The following TFDP2 variants were observed in gnomAD, a reference collection of about 807,000 sequenced individuals.
TFDP2 encodes transcription factor Dp-2.
TFDP2 carries 17 observed loss-of-function variants against 59.3 expected under a neutral mutation model. The observed-to-expected ratio is 0.29, with a 90% CI of 0.20 to 0.43. The LOEUF (loss-of-function observed/expected upper bound fraction) is 0.43. TFDP2 is among the 20% of genes least tolerant of loss of function. The pLI is 1.00. For missense variants in TFDP2, 391 were observed against 528.8 expected (o/e 0.74, Z 2.56); for synonymous variants, 180 against 194.7 (o/e 0.92, Z 0.63).
At chr3:142,047,331 G>A (rs1405078087) in intron 3 of TFDP2, among the ~76,000 whole-genome samples, 1 of 152,122 alleles carries the variant, frequency 6.6e-6, no homozygotes, top group Non-Finnish European at 1.5e-5. Flanking sequence ...ATTGCCATAA[G>A]TAGCCATAAA....
At chr3:142,042,450 C>T (rs1343916964) in intron 3 of TFDP2, among the ~76,000 whole-genome samples, 1 of 151,836 alleles carries the variant, frequency 6.6e-6, no homozygotes, top group African/African-American at 2.4e-5. Flanking sequence ...TGCCACCACG[C>T]CCGGCTAATT....
intron 1 of TFDP2, among the ~76,000 whole-genome samples, chr3:142,125,011 C>T (rs116073272): frequency 1.8e-3 from 274 of 151,938 alleles, no homozygotes; most frequent in African/African-American, 6.4e-3. Context: ...GTGTGGACAA[C>T]ATAAGGTGAT....
chr3:142,007,104 C>T (rs1357187418), intron 3 of TFDP2, among the ~76,000 whole-genome samples: 2 of 152,178 alleles, frequency 1.3e-5, no homozygotes, highest in Non-Finnish European at 2.9e-5. Flanking sequence ...CTGCTCTGCA[C>T]TTTCTGCCTC....
intron 2 of TFDP2, among the ~76,000 whole-genome samples, chr3:142,097,961 T>C (rs2061213368): frequency 6.6e-6 from 1 of 152,032 alleles, no homozygotes; most frequent in Admixed American, 6.6e-5. Context: ...CCCAGCTAAT[T>C]TTTGTATTTT....
chr3:141,966,916 T>TAA (rs10668338), intron 9 of TFDP2, among the ~76,000 whole-genome samples: 1,500 of 120,694 alleles, frequency 0.012, 48 homozygotes, highest in African/African-American at 0.04. Flanking sequence ...GATTACTTAT[T>TAA]AAAAAAAAAA....
chr3:141,979,625 A>G (rs967240782), intron 6 of TFDP2, among the ~76,000 whole-genome samples: 5 of 152,030 alleles, frequency 3.3e-5, no homozygotes, highest in East Asian at 1.9e-4. Context: ...GTTTCGCTCT[A>G]TCCCCTAGGC....
intron 3 of TFDP2, among the ~76,000 whole-genome samples, chr3:142,035,991 T>A (rs1946680012): frequency 6.6e-6 from 1 of 152,218 alleles, no homozygotes. Flanking sequence ...ACATACTTGG[T>A]GACTATCAGT....
intron 11 of TFDP2, among the ~76,000 whole-genome samples, chr3:141,956,335 T>C (rs1287960398): frequency 2.0e-5 from 3 of 152,138 alleles, no homozygotes; most frequent in Non-Finnish European, 4.4e-5. Flanking sequence ...GTGGATCACC[T>C]GAGGTCAGGA....
At chr3:142,005,417 T>C in intron 4 of TFDP2, 24 bp downstream of exon 4, 1 of 1,522,752 alleles carries the variant, frequency 6.6e-7, no homozygotes, top group Non-Finnish European at 9.0e-7. Context: ...AAGTTTCAAT[T>C]CTAAGATTTG....
chr3:142,096,533 T>G (rs919377273), intron 2 of TFDP2, among the ~76,000 whole-genome samples: 1 of 152,178 alleles, frequency 6.6e-6, no homozygotes, highest in East Asian at 1.9e-4. Flanking sequence ...ATAAATTGTA[T>G]TGTCTGTATT....
chr3:142,076,754 T>C (rs1320642735), intron 3 of TFDP2, among the ~76,000 whole-genome samples: 1 of 152,198 alleles, frequency 6.6e-6, no homozygotes, highest in Non-Finnish European at 1.5e-5. Flanking sequence ...AAAATGTTTC[T>C]CAAACTTGAA....
intron 1 of TFDP2, among the ~76,000 whole-genome samples, chr3:142,107,779 A>G (rs2061524023): frequency 6.6e-6 from 1 of 152,164 alleles, no homozygotes; most frequent in Non-Finnish European, 1.5e-5. Flanking sequence ...CACCAGCAAA[A>G]GTGTTCTTAA....
At chr3:141,970,044 A>G (rs1482350235) in intron 9 of TFDP2, 29 bp downstream of exon 9, 3 of 1,599,536 alleles carry the variant, frequency 1.9e-6, no homozygotes, top group Non-Finnish European at 1.7e-6. Context: ...GAAACAGGGA[A>G]GGTAATGAAA....
intron 3 of TFDP2, among the ~76,000 whole-genome samples, chr3:142,048,369 T>C (rs1292470597): frequency 2.0e-5 from 3 of 150,624 alleles, no homozygotes; most frequent in South Asian, 4.2e-4. Flanking sequence ...GCCGAATTTA[T>C]ACCGCTATAC....
intron 10 of TFDP2, 125 bp from the exon 11 acceptor site, chr3:141,959,965 A>G (rs1937157020): frequency 1.2e-6 from 1 of 850,488 alleles, no homozygotes; most frequent in African/African-American, 1.7e-5. Flanking sequence ...AATTGCTACC[A>G]TTTAGAGAGC....
At chr3:141,975,997 C>T (rs1252173851) in intron 7 of TFDP2, among the ~76,000 whole-genome samples, 1 of 152,120 alleles carries the variant, frequency 6.6e-6, no homozygotes, top group Non-Finnish European at 1.5e-5. Context: ...TCTCCAGCCT[C>T]AGCCTCCCGA....
chr3:142,016,986 C>T (rs1945177788), intron 3 of TFDP2, among the ~76,000 whole-genome samples: 1 of 152,170 alleles, frequency 6.6e-6, no homozygotes, highest in South Asian at 2.1e-4. Context: ...TTCTTCAACC[C>T]ATGCCAACCA....
chr3:141,959,747 T>A lies in TFDP2; in HGVS notation c.978A>T (p.Ser326=), dbSNP rs1192311996. The A allele has an allele frequency of 6.2e-7, 1 of 1,614,228 alleles. No individual in the cohort carries two copies. Among genetic ancestry groups the A allele is most frequent in the Non-Finnish European group, 8.5e-7 (1 of 1,180,032 alleles). The stretch of plus-strand genomic sequence containing the variant: ...TCAGATCCTCCAGAGAGCATTTGCC[T>A]GACTCCAGGCCAAACGACATTCCCA... ...KRMGMSFGLE[S]GKCSLEDLKL... is the part of the protein sequence containing the mutation. The change falls in exon 11 of 13, where the codon TCA becomes TCT. Residue 326 remains serine (S), a synonymous_variant. Transcript: ENST00000489671.
intron 3 of TFDP2, among the ~76,000 whole-genome samples, chr3:142,071,260 G>A (rs959273148): frequency 1.3e-5 from 2 of 151,884 alleles, no homozygotes; most frequent in African/African-American, 2.4e-5. Flanking sequence ...GGGTTCAAGC[G>A]ATTCTCCTGC....
Sources: gnomAD v4.1 joint callset for allele counts (sites outside exome capture counted in the v4.1 genomes callset) on GRCh38, gnomAD v4.1.1 for gene constraint, MANE v1.5 for transcripts, NCBI Gene and HGNC (gene_info 2026-07-23, HGNC 2026-07-21) for gene names.